RBFOX1: variants seen among roughly 807,000 people sequenced by gnomAD.
RBFOX1 encodes the protein RNA binding fox-1 homolog 1, also known as RNA binding protein fox-1 homolog 1.
RBFOX1 carries 8 observed loss-of-function variants against 57.7 expected under a neutral mutation model. The ratio of observed to expected loss-of-function variants is 0.14; its 90% confidence interval spans 0.08 to 0.25. The LOEUF is 0.25. RBFOX1 is among the 10% of genes least tolerant of loss of function. The probability of loss-of-function intolerance (pLI) is 1.00; values close to 1 mark genes in which losing one functional copy is unlikely to be tolerated. For missense variants in RBFOX1, 611 were observed against 548.5 expected, an observed-to-expected ratio of 1.11 and a Z score of -1.14; for synonymous variants, 326 against 222.4, an observed-to-expected ratio of 1.47 and a Z score of -4.15.
intron 1 of RBFOX1, among the ~76,000 whole-genome samples, chr16:5,362,409 C>G (rs147263051): frequency 3.9e-5 from 6 of 152,328 alleles, no homozygotes; most frequent in African/African-American, 1.2e-4. Flanking sequence ...GTTGCCCAGG[C>G]TGGAGTGCAA....
intron 1 of RBFOX1, among the ~76,000 whole-genome samples, chr16:5,309,891 C>G (rs1463151119): frequency 6.6e-6 from 1 of 152,130 alleles, no homozygotes; most frequent in African/African-American, 2.4e-5. Flanking sequence ...GGCATTGTTC[C>G]TTGGGTCATT....
intron 5 of RBFOX1, among the ~76,000 whole-genome samples, chr16:7,544,140 C>T (rs62009894): frequency 0.17 from 26,061 of 152,200 alleles, 2,759 homozygotes; most frequent in East Asian, 0.36. Context: ...TTGAAACCAA[C>T]GCTTACTCCT....
At chr16:5,879,742 A>G (rs1177216745) in intron 4 of RBFOX1, among the ~76,000 whole-genome samples, 1 of 152,184 alleles carries the variant, frequency 6.6e-6, no homozygotes, top group Non-Finnish European at 1.5e-5. Context: ...CTCCCATGCT[A>G]TGTCTGATGA....
chr16:6,950,334 C>G (rs2080456479), intron 3 of RBFOX1, among the ~76,000 whole-genome samples: 1 of 151,974 alleles, frequency 6.6e-6, no homozygotes, highest in African/African-American at 2.4e-5. Context: ...TTGCTTTATC[C>G]CATAGAATCA....
intron 2 of RBFOX1, among the ~76,000 whole-genome samples, chr16:6,377,605 G>T (rs375887532): frequency 6.6e-6 from 1 of 152,240 alleles, no homozygotes. Flanking sequence ...GGTCTGTGCC[G>T]ACAGAAATGG....
intron 2 of RBFOX1, among the ~76,000 whole-genome samples, chr16:6,332,144 G>C (rs1301255265): frequency 6.6e-6 from 1 of 152,210 alleles, no homozygotes; most frequent in African/African-American, 2.4e-5. Flanking sequence ...GGATGCCTGG[G>C]AGAAGGGGTG....
chr16:7,040,579 T>C (rs1345223394), intron 3 of RBFOX1, among the ~76,000 whole-genome samples: 1 of 152,232 alleles, frequency 6.6e-6, no homozygotes, highest in Non-Finnish European at 1.5e-5. Flanking sequence ...CCACTATTGG[T>C]CTGGTTCCCA....
At chr16:5,492,796 T>G (rs1357534652) in intron 2 of RBFOX1, among the ~76,000 whole-genome samples, 1 of 152,254 alleles carries the variant, frequency 6.6e-6, no homozygotes, top group African/African-American at 2.4e-5. Flanking sequence ...ATCTCACTCT[T>G]ATTTAGTGTT....
intron 3 of RBFOX1, among the ~76,000 whole-genome samples, chr16:6,685,442 A>ATTTT (rs71145275): frequency 0.014 from 1,781 of 125,558 alleles, 38 homozygotes; most frequent in Non-Finnish European, 0.021. Flanking sequence ...TACCCAGCTA[A>ATTTT]TTTTTTTTTT....
At chr16:7,173,857 GAC>G (rs1351995555) in intron 4 of RBFOX1, among the ~76,000 whole-genome samples, 1 of 152,136 alleles carries the variant, frequency 6.6e-6, no homozygotes, top group Non-Finnish European at 1.5e-5. Flanking sequence ...TGAATCATAA[GAC>G]ACACGTTAAA....
At chr16:7,562,228 T>C (rs913499429) in intron 5 of RBFOX1, among the ~76,000 whole-genome samples, 28 of 152,232 alleles carry the variant, frequency 1.8e-4, no homozygotes, top group African/African-American at 6.5e-4. Flanking sequence ...ACCTGCTTTT[T>C]ATCTGGGGAT....
At chr16:7,021,954 TTCTC>T (rs1157412212) in intron 3 of RBFOX1, among the ~76,000 whole-genome samples, 7 of 138,150 alleles carry the variant, frequency 5.1e-5, no homozygotes, top group African/African-American at 1.1e-4. Context: ...TTTCTTTTCT[TTCTC>T]TCTCTCTCTC....
intron 1 of RBFOX1, among the ~76,000 whole-genome samples, chr16:5,363,000 C>G (rs923227026): frequency 1.3e-5 from 2 of 149,126 alleles, no homozygotes; most frequent in African/African-American, 4.9e-5. Context: ...CATGGGAGTG[C>G]AAATATCTCT....
intron 1 of RBFOX1, among the ~76,000 whole-genome samples, chr16:6,169,549 G>C (rs755206248): frequency 2.0e-5 from 3 of 152,176 alleles, no homozygotes; most frequent in Admixed American, 2.0e-4. Context: ...AGAGACTCCA[G>C]CACAGCCACG....
rs186577140 is a variant in RBFOX1 at position 5,524,141 on chromosome 16, A to G, written c.258+56887A>G. Reference sequence around the variant, plus strand: ...ATAAAGACACACTCTGGGAGGACCTATTTAAAGAAAACTAAATGTGAGATG... The same window carrying G: ...ATAAAGACACACTCTGGGAGGACCTGTTTAAAGAAAACTAAATGTGAGATG... On this transcript the variant is annotated intron_variant, in intron 2 of 2. Coordinates refer to the RBFOX1 transcript ENST00000585867. Among the ~76,000 whole-genome samples the G allele has an allele frequency of 4.1e-3, 626 of 152,304 alleles. 12 individuals are homozygous for G. The highest frequency in any genetic ancestry group is 0.014 in the African/African-American group (592 of 41,578).
chr16:5,600,322 AAAAAC>A (rs2047324792), downstream of RBFOX1, among the ~76,000 whole-genome samples: 1 of 151,338 alleles, frequency 6.6e-6, no homozygotes, highest in Non-Finnish European at 1.5e-5. Flanking sequence ...AAAATAAAAA[AAAAAC>A]AAAACCAAAT....
At chr16:6,460,152 C>T (rs1397370935) in intron 2 of RBFOX1, among the ~76,000 whole-genome samples, 4 of 151,966 alleles carry the variant, frequency 2.6e-5, no homozygotes, top group African/African-American at 7.3e-5. Context: ...TTTATTTTCT[C>T]ATAGTTCTGG....
chr16:5,859,693 T>C (rs963639601), intron 3 of RBFOX1, among the ~76,000 whole-genome samples: 2 of 152,190 alleles, frequency 1.3e-5, no homozygotes, highest in Non-Finnish European at 2.9e-5. Flanking sequence ...CTTGAACATA[T>C]TGTTTTGCTT....
At chr16:7,647,429 G>C (rs956015974) in intron 11 of RBFOX1, among the ~76,000 whole-genome samples, 1 of 151,854 alleles carries the variant, frequency 6.6e-6, no homozygotes, top group South Asian at 2.1e-4. Context: ...GGGTTTTCTT[G>C]TTTCCCTCAT....
Sources: gnomAD v4.1 joint callset for allele counts (sites outside exome capture counted in the v4.1 genomes callset) on GRCh38, gnomAD v4.1.1 for gene constraint, MANE v1.5 for transcripts, NCBI Gene and HGNC (gene_info 2026-07-23, HGNC 2026-07-21) for gene names.